The following KCNC4 variants were observed in gnomAD, a reference collection of about 807,000 sequenced individuals.
KCNC4 encodes the protein potassium voltage-gated channel subfamily C member 4.
In KCNC4, 23 loss-of-function variants were observed where a neutral mutation model predicts 42.8. The observed-to-expected ratio is 0.54, with a 90% confidence interval of 0.39 to 0.76. KCNC4 has a LOEUF of 0.76. KCNC4 is among the 30% of genes least tolerant of loss of function. The pLI is 0.00. For missense variants in KCNC4, 751 were observed against 898.2 expected (o/e 0.84, Z 2.10); for synonymous variants, 422 against 393.5 (o/e 1.07, Z -0.86).
At chr1:110,226,470 A>G (rs1046001455) in intron 3 of KCNC4, among the ~76,000 whole-genome samples, 2 of 152,194 alleles carry the variant, frequency 1.3e-5, no homozygotes, top group East Asian at 1.9e-4. Flanking sequence ...CTTCCATTGC[A>G]TCTCTTTTTC....
chr1:110,226,575 A>T (rs891115096), intron 3 of KCNC4, among the ~76,000 whole-genome samples: 5 of 152,124 alleles, frequency 3.3e-5, no homozygotes, highest in African/African-American at 1.2e-4. Context: ...AAGGCTTCCC[A>T]AGTAGGTGAC....
intron 1 of KCNC4, chr1:110,221,715 T>C (rs1311029904): frequency 6.6e-6 from 1 of 152,148 alleles, no homozygotes; most frequent in Non-Finnish European, 1.5e-5. Context: ...GGCATGGGGA[T>C]TACCAAATGG....
exon 4 of KCNC4, chr1:110,239,626 T>C (rs1243026450): frequency 6.6e-6 from 1 of 152,252 alleles, no homozygotes; most frequent in Non-Finnish European, 1.5e-5. Flanking sequence ...GAGCAGCTGC[T>C]GAACTCCATC....
chr1:110,214,600 G>A (rs916320522), intron 1 of KCNC4, among the ~76,000 whole-genome samples: 2 of 152,180 alleles, frequency 1.3e-5, no homozygotes, highest in Non-Finnish European at 2.9e-5. Context: ...ATAGATTGAG[G>A]CTGTGAGAAG....
intron 1 of KCNC4, among the ~76,000 whole-genome samples, chr1:110,276,065 T>C (rs1051100930): frequency 1.3e-5 from 2 of 151,092 alleles, no homozygotes; most frequent in Admixed American, 6.6e-5. Context: ...TCAAATACCA[T>C]ATGTTCTCTT....
At chr1:110,268,845 A>G (rs1659593255) in intron 1 of KCNC4, among the ~76,000 whole-genome samples, 1 of 150,144 alleles carries the variant, frequency 6.7e-6, no homozygotes, top group Non-Finnish European at 1.5e-5. Context: ...CTCCTGCCTC[A>G]GCCTCTCTGA....
intron 1 of KCNC4, among the ~76,000 whole-genome samples, chr1:110,259,942 T>G (rs1659396509): frequency 6.6e-6 from 1 of 152,226 alleles, no homozygotes; most frequent in Non-Finnish European, 1.5e-5. Context: ...GTCCAGGTTC[T>G]GTCCTCAGGC....
intron 1 of KCNC4, among the ~76,000 whole-genome samples, chr1:110,270,302 C>T (rs903955552): frequency 6.6e-6 from 1 of 152,164 alleles, no homozygotes; most frequent in Non-Finnish European, 1.5e-5. Flanking sequence ...CAGAGAGGAC[C>T]TTCCCCTCCA....
chr1:110,211,067 C>A lies in KCNC4; in HGVS notation c.-433C>A, dbSNP rs988695382. 1.3e-5 allele frequency among the ~76,000 whole-genome samples: 2 copies of A among 152,242 alleles called. No homozygotes were observed. The highest frequency in any genetic ancestry group is 6.5e-5 in the Admixed American group (1 of 15,292). On this transcript the variant is annotated 5_prime_UTR_variant, in exon 1 of 4. Coordinates refer to ENST00000438661, the MANE Select transcript of KCNC4 (RefSeq NM_001039574.3). This position sits in a 1 kb window ranked among gnomAD's most constrained non-coding sequence, Gnocchi z 6.5. ...CGGCTATTCCGGGGCTTGGTGCGGT[C>A]TTGGAGCCGGAGGGTGGCCCGTGTG...
At chr1:110,229,573 A>G (rs1658591968) in intron 3 of KCNC4, among the ~76,000 whole-genome samples, 1 of 152,108 alleles carries the variant, frequency 6.6e-6, no homozygotes, top group Non-Finnish European at 1.5e-5. Context: ...GTCACCTGCC[A>G]TTCCCACCCA....
Position 110,232,069 on chromosome 1 carries a change from A to T in KCNC4, c.1820-842A>T, listed in dbSNP as rs1036481705. On this transcript the variant is annotated intron_variant, in intron 3 of 3. Coordinates refer to ENST00000438661, the MANE Select transcript of KCNC4 (RefSeq NM_001039574.3). Reference sequence around the variant, plus strand: ...CTGCAGCTGGGACAGCAGTACTCCTACCTGCCCTACCTGTGCTCCCACTGG... The same window carrying T: ...CTGCAGCTGGGACAGCAGTACTCCTTCCTGCCCTACCTGTGCTCCCACTGG... The T allele has an allele frequency of 8.9e-6, 6 of 674,836 alleles. No homozygotes were observed. In the African/African-American group the frequency reaches 9.0e-5, roughly 10 times the overall value. 41.8% of individuals were successfully genotyped at this position (674,836 alleles called of 1,614,324 possible). A position where few individuals can be genotyped will look rare whatever the true frequency, so the allele number is the denominator to read the frequency against.
rs1367950581 is a variant in KCNC4, at chr1:110,223,986, C to T, written c.1615+86C>T. ...ATGGACCTCAGACCTTGGGATTTGGCATGTGTTTTGTGTGGGGCTTCCCTA... is the reference window on the plus strand; with the variant it reads ...ATGGACCTCAGACCTTGGGATTTGGTATGTGTTTTGTGTGGGGCTTCCCTA... On this transcript the variant is annotated intron_variant, in intron 2 of 3. Coordinates refer to ENST00000438661, the MANE Select transcript of KCNC4 (RefSeq NM_001039574.3). This position sits in a 1 kb window ranked among gnomAD's most constrained non-coding sequence, Gnocchi z 7.5. 5 of 1,116,036 alleles carry T rather than the reference C, an allele frequency of 4.5e-6. No homozygotes were observed. Among genetic ancestry groups the T allele is most frequent in the Middle Eastern group, 2.1e-4 (1 of 4,854 alleles). 69.1% of individuals were successfully genotyped at this position (1,116,036 alleles called of 1,614,324 possible). A position where few individuals can be genotyped will look rare whatever the true frequency, so the allele number is the denominator to read the frequency against.
In KCNC4 at chr1:110,224,134, G is replaced by T. The variant is rs190542574; in HGVS notation, c.1615+234G>T. On this transcript the variant is annotated intron_variant, in intron 2 of 3. Coordinates refer to ENST00000438661, the MANE Select transcript of KCNC4 (RefSeq NM_001039574.3). Reference sequence around the variant, plus strand: ...GAGTGAGTATTCCACCCAGGGTAGGGTGTGATGGGCAGTACATGGGGCTGT... The same window carrying T: ...GAGTGAGTATTCCACCCAGGGTAGGTTGTGATGGGCAGTACATGGGGCTGT... The T allele has an allele frequency of 2.8e-4, 156 of 549,134 alleles. 2 individuals are homozygous for T. The highest frequency in any genetic ancestry group is 2.8e-3 in the African/African-American group (149 of 53,320). The allele number at this position is 549,134 out of a possible 1,614,324, so 34.0% of individuals were successfully genotyped here.
Position 110,232,894 on chromosome 1 carries a change from G to T in KCNC4, c.1820-17G>T, listed in dbSNP as rs747241926. On this transcript the variant is annotated splice_polypyrimidine_tract_variant and intron_variant, in intron 3 of 3. Coordinates refer to ENST00000438661, the MANE Select transcript of KCNC4 (RefSeq NM_001039574.3). ...GCGTGCGTCCCAGTGTCTCACACCT[G>T]TGCTCTTTAAACACAGAGACCTGCC... 10 of 1,607,628 alleles carry T rather than the reference G, an allele frequency of 6.2e-6. No homozygotes were observed. In the South Asian group the frequency reaches 1.1e-4, roughly 18 times the overall value.
chr1:110,251,180 A>G (rs539188416), downstream of KCNC4, among the ~76,000 whole-genome samples: 1 of 152,298 alleles, frequency 6.6e-6, no homozygotes, highest in East Asian at 1.9e-4. Flanking sequence ...GGCTTGGCTT[A>G]AAGAGTCCAC....
chr1:110,271,500 A>T (rs1470428125), intron 1 of KCNC4, among the ~76,000 whole-genome samples: 4 of 152,188 alleles, frequency 2.6e-5, no homozygotes, highest in Non-Finnish European at 4.4e-5. Context: ...AAGAGCAAAA[A>T]GCTAAGTATG....
intron 3 of KCNC4, 106 bp from the exon 4 acceptor site, chr1:110,232,805 T>G (rs1658762612): frequency 7.8e-6 from 12 of 1,546,802 alleles, no homozygotes; most frequent in Non-Finnish European, 9.6e-6. Context: ...TCATTCTTTG[T>G]TTCTCCCTTT....
chr1:110,277,939 C>G (rs896124542), intron 1 of KCNC4, among the ~76,000 whole-genome samples: 1 of 152,092 alleles, frequency 6.6e-6, no homozygotes, highest in Non-Finnish European at 1.5e-5. Context: ...GCTTGAGCCC[C>G]GGAGTTTGAG....
At chr1:110,278,162 G>A (rs111328963) in intron 1 of KCNC4, among the ~76,000 whole-genome samples, 17 of 30,082 alleles carry the variant, frequency 5.7e-4, no homozygotes, top group Non-Finnish European at 1.0e-3. Flanking sequence ...AGAAAAGGAA[G>A]GAAGGAAGGA....
Sources: allele counts gnomAD v4.1 joint callset (sites outside exome capture counted in the v4.1 genomes callset), GRCh38; gene constraint gnomAD v4.1.1; non-coding constraint Gnocchi (gnomAD v3.1); transcripts MANE v1.5; gene names NCBI Gene and HGNC (gene_info 2026-07-23, HGNC 2026-07-21).